The following CAMKMT variants were observed in gnomAD, a reference collection of about 807,000 sequenced individuals.
CAMKMT encodes calmodulin-lysine N-methyltransferase, also known as CaM KMT.
A neutral mutation model predicts 48.0 loss-of-function variants in CAMKMT; 53 were observed. The ratio of observed to expected loss-of-function variants is 1.10; its 90% confidence interval spans 0.89 to 1.39. The LOEUF (loss-of-function observed/expected upper bound fraction) is 1.39. Among genes scored for constraint, CAMKMT ranks in the 40% most tolerant of loss-of-function variants. The pLI, the probability that CAMKMT is intolerant of heterozygous loss-of-function variation, is 0.00. For synonymous variants in CAMKMT, 165 were observed against 152.3 expected (o/e 1.08, Z -0.61); for missense variants, 428 against 402.7 (o/e 1.06, Z -0.54).
intron 3 of CAMKMT, among the ~76,000 whole-genome samples, chr2:44,472,520 A>T (rs1252939493): frequency 2.0e-5 from 3 of 152,222 alleles, no homozygotes; most frequent in Admixed American, 1.3e-4. Context: ...GTACTAAAAT[A>T]TACTATCTAA....
chr2:44,734,911 T>C (rs1235939181), intron 7 of CAMKMT, among the ~76,000 whole-genome samples: 2 of 152,254 alleles, frequency 1.3e-5, no homozygotes. Flanking sequence ...GCTTATTTTC[T>C]GTCTACTTGT....
chr2:44,369,258 G>C (rs192546412), intron 1 of CAMKMT, among the ~76,000 whole-genome samples: 2 of 152,020 alleles, frequency 1.3e-5, no homozygotes, highest in African/African-American at 4.8e-5. Context: ...TACCTTTTCC[G>C]ATCCTCCATT....
chr2:44,516,362 T>A (rs1670832939), intron 3 of CAMKMT, among the ~76,000 whole-genome samples: 1 of 152,210 alleles, frequency 6.6e-6, no homozygotes, highest in Non-Finnish European at 1.5e-5. Flanking sequence ...TGGTTTCTTT[T>A]GATCTGGGCT....
intron 10 of CAMKMT, among the ~76,000 whole-genome samples, chr2:44,770,624 C>G (rs1681063722): frequency 6.6e-6 from 1 of 152,162 alleles, no homozygotes; most frequent in Admixed American, 6.5e-5. Flanking sequence ...TCAGTGAGCT[C>G]CCTCTATCAC....
At chr2:44,668,022 T>A (rs1413427719) in intron 3 of CAMKMT, among the ~76,000 whole-genome samples, 1 of 152,250 alleles carries the variant, frequency 6.6e-6, no homozygotes, top group Non-Finnish European at 1.5e-5. Flanking sequence ...AGCAGCTGAC[T>A]GTGGCAATCA....
intron 4 of CAMKMT, among the ~76,000 whole-genome samples, chr2:44,704,560 G>GCA (rs2104269650): frequency 6.6e-6 from 1 of 151,918 alleles, no homozygotes; most frequent in Non-Finnish European, 1.5e-5. Flanking sequence ...TACTAATATT[G>GCA]CACAGCAAGG....
chr2:44,393,775 T>C lies in CAMKMT; in HGVS notation c.376+3470T>C, dbSNP rs544404909. On this transcript the variant is annotated intron_variant, in intron 3 of 10. Transcript: ENST00000378494. The stretch of plus-strand genomic sequence containing the variant: ...GTAACAAGGGAGTGCTCTATAAGCA[T>C]TGTAGCAGATTTCTTGCTTCTGCTT... Among the ~76,000 whole-genome samples the C allele has an allele frequency of 2.0e-5, 3 of 152,304 alleles. No homozygotes were observed. The South Asian group carries it at 6.2e-4, about 32-fold the overall frequency.
At chr2:44,364,195 C>T (rs569182399) in intron 1 of CAMKMT, among the ~76,000 whole-genome samples, 3 of 152,168 alleles carry the variant, frequency 2.0e-5, no homozygotes, top group African/African-American at 7.2e-5. Flanking sequence ...TATGTTCATT[C>T]TAAATTGCGG....
chr2:44,645,554 C>T (rs1673686150), intron 3 of CAMKMT, among the ~76,000 whole-genome samples: 1 of 152,174 alleles, frequency 6.6e-6, no homozygotes, highest in Admixed American at 6.6e-5. Flanking sequence ...GGCACAATGG[C>T]TCACACCTAT....
At chr2:44,428,965 C>T (rs1208924020) in intron 3 of CAMKMT, among the ~76,000 whole-genome samples, 2 of 152,170 alleles carry the variant, frequency 1.3e-5, no homozygotes, top group African/African-American at 4.8e-5. Flanking sequence ...CCTGCCATTT[C>T]TCCATGCATT....
intron 7 of CAMKMT, among the ~76,000 whole-genome samples, chr2:44,716,001 A>G (rs1440295647): frequency 4.6e-5 from 7 of 152,148 alleles, no homozygotes; most frequent in Non-Finnish European, 1.0e-4. Context: ...TAGCCACAAC[A>G]ATGGTGTGTT....
intron 3 of CAMKMT, among the ~76,000 whole-genome samples, chr2:44,588,164 G>A (rs765221264): frequency 0.037 from 4,804 of 130,972 alleles, 27 homozygotes; most frequent in Non-Finnish European, 0.056. Flanking sequence ...CCTCTGCCCG[G>A]CCGCCCCGTC....
At chr2:44,368,291 T>C (rs1678822864) in intron 1 of CAMKMT, among the ~76,000 whole-genome samples, 1 of 152,240 alleles carries the variant, frequency 6.6e-6, no homozygotes, top group Non-Finnish European at 1.5e-5. Context: ...GATAAGGTTA[T>C]AACTTGATGG....
chr2:44,462,113 G>A (rs939999077), intron 3 of CAMKMT, among the ~76,000 whole-genome samples: 1 of 151,686 alleles, frequency 6.6e-6, no homozygotes, highest in South Asian at 2.1e-4. Context: ...GAATGAATGG[G>A]GCTTTCTCCT....
chr2:44,753,956 TGGG>T, intron 8 of CAMKMT, 96 bp from the exon 9 acceptor site: 1 of 797,638 alleles, frequency 1.3e-6, no homozygotes, highest in Admixed American at 2.2e-5. Flanking sequence ...TTTTTAGCGT[TGGG>T]TAAACATGTG....
At chr2:44,507,318 T>C (rs1558664042) in intron 3 of CAMKMT, among the ~76,000 whole-genome samples, 1 of 152,192 alleles carries the variant, frequency 6.6e-6, no homozygotes, top group Non-Finnish European at 1.5e-5. Flanking sequence ...AGACCTTAAA[T>C]CTTTAATGAC....
intron 3 of CAMKMT, among the ~76,000 whole-genome samples, chr2:44,634,374 T>A (rs1673004514): frequency 6.6e-6 from 1 of 152,038 alleles, no homozygotes; most frequent in Non-Finnish European, 1.5e-5. Flanking sequence ...CGCAGTCCTT[T>A]GCTGCCTGTT....
At chr2:44,731,825 ATC>A (rs1036722876) in intron 7 of CAMKMT, among the ~76,000 whole-genome samples, 1 of 152,254 alleles carries the variant, frequency 6.6e-6, no homozygotes, top group African/African-American at 2.4e-5. Context: ...GATACTCAGC[ATC>A]TCTCATCTTC....
intron 3 of CAMKMT, among the ~76,000 whole-genome samples, chr2:44,444,565 T>C (rs10172076): frequency 0.04 from 6,049 of 152,290 alleles, 415 homozygotes; most frequent in African/African-American, 0.14. Flanking sequence ...TCTAAATGTG[T>C]ATAAGCCACA....
Sources: allele counts gnomAD v4.1 joint callset (sites outside exome capture counted in the v4.1 genomes callset), GRCh38; gene constraint gnomAD v4.1.1; transcripts MANE v1.5; gene names NCBI Gene and HGNC (gene_info 2026-07-23, HGNC 2026-07-21).